The following SAGE1 variants were observed in gnomAD, a reference collection of about 807,000 sequenced individuals.
SAGE1 encodes the protein sarcoma antigen 1.
Under a neutral mutation model 55.4 loss-of-function variants are expected in SAGE1, and 55 were observed. The ratio of observed to expected loss-of-function variants is 0.99; its 90% CI spans 0.80 to 1.24. The LOEUF is 1.24. Ranked by LOEUF, SAGE1 falls within the 50% of genes most tolerant of loss-of-function variation. SAGE1 has a pLI of 0.00. For synonymous variants in SAGE1, 240 were observed against 244.3 expected, an observed-to-expected ratio of 0.98 and a Z score of 0.17; for missense variants, 710 against 704.4, an observed-to-expected ratio of 1.01 and a Z score of -0.09.
intron 3 of SAGE1, 145 bp downstream of exon 3, chrX:135,901,836 G>A (rs1301742022): frequency 1.9e-5 from 11 of 565,346 alleles, no homozygotes; most frequent in Non-Finnish European, 2.8e-5. Flanking sequence ...TGTTGCAAGC[G>A]TTAGATGAAT....
intron 9 of SAGE1, 65 bp downstream of exon 9, chrX:135,907,518 G>A (rs2088817958): frequency 1.9e-6 from 2 of 1,068,813 alleles, no homozygotes; most frequent in Non-Finnish European, 2.6e-6. Flanking sequence ...TGTCATAAAG[G>A]GAAGGAGGTT....
chrX:135,910,201 C>T (rs2088871257), intron 15 of SAGE1, 31 bp downstream of exon 15: 4 of 1,180,332 alleles, frequency 3.4e-6, no homozygotes, highest in African/African-American at 1.7e-5. Flanking sequence ...TACTGTCATA[C>T]TTGGTTTCCA....
intron 11 of SAGE1, 88 bp from the exon 12 acceptor site, chrX:135,908,389 C>G: frequency 1.8e-6 from 2 of 1,082,629 alleles, no homozygotes; most frequent in Non-Finnish European, 2.5e-6. Context: ...TGATAAATTC[C>G]TAGAAACTGA....
intron 3 of SAGE1, among the ~76,000 whole-genome samples, chrX:135,904,043 C>T (rs782232140): frequency 8.9e-6 from 1 of 111,813 alleles, no homozygotes; most frequent in African/African-American, 3.3e-5. Context: ...GGACAAAACA[C>T]ACCTATCTTG....
intron 2 of SAGE1, among the ~76,000 whole-genome samples, chrX:135,898,210 G>C (rs782625288): frequency 9.1e-6 from 1 of 110,110 alleles, no homozygotes; most frequent in Non-Finnish European, 1.9e-5. Flanking sequence ...TAGTAGAGAC[G>C]GGGTTTCACC....
At chrX:135,894,848 A>G (rs2088559404) in intron 1 of SAGE1, among the ~76,000 whole-genome samples, 1 of 111,392 alleles carries the variant, frequency 9.0e-6, no homozygotes, top group Admixed American at 9.6e-5. Flanking sequence ...TGCTGAAACC[A>G]AACAAGTGTT....
rs782813478 is a variant in SAGE1, at chrX:135,908,726, A to C, written c.1441+109A>C. ...AATTATCTTTCCTGGCCTCAATTTG[A>C]GGGGCCTCAGATCATCATATGATGT... On this transcript the variant is annotated intron_variant, in intron 12 of 19. Coordinates refer to ENST00000370709, the MANE Select transcript of SAGE1 (RefSeq NM_001381902.1). The C allele has an allele frequency of 5.7e-5, 58 of 1,025,901 alleles. No homozygotes were observed. The African/African-American group carries it at 1.1e-3, about 19-fold the overall frequency. 84.5% of individuals were successfully genotyped at this position (1,025,901 alleles called of 1,213,427 possible). A position where few individuals can be genotyped will look rare whatever the true frequency, so the allele number is the denominator to read the frequency against.
intron 10 of SAGE1, 116 bp from the exon 11 acceptor site, chrX:135,907,973 T>C: frequency 1.9e-6 from 2 of 1,052,661 alleles, no homozygotes; most frequent in Non-Finnish European, 1.3e-6. Flanking sequence ...TGCTCCCTGG[T>C]ATATCCTAGT....
chrX:135,910,159 C>T lies in SAGE1; in HGVS notation c.1853C>T (p.Thr618Ile). 3 of 1,205,946 alleles carry T rather than the reference C, an allele frequency of 2.5e-6. No homozygotes were observed. The highest frequency in any genetic ancestry group is 3.4e-6 in the Non-Finnish European group (3 of 890,833). Reference protein sequence around the residue: ...MAATGVSSMSTRDQYAAVTHN... With the variant: ...MAATGVSSMSIRDQYAAVTHN... The stretch of plus-strand genomic sequence containing the variant: ...GCAACTGGTGTTTCATCCATGAGTA[C>T]CAGGGATCAGTGTAAGTTTATTCAC... The change falls in exon 15 of 20, where the codon ACC becomes ATC. Residue 618 changes from threonine to isoleucine, a missense_variant. Thr to Ile is a moderately conservative substitution (Grantham distance 89). Transcript: ENST00000370709.
intron 1 of SAGE1, among the ~76,000 whole-genome samples, 99 bp downstream of exon 1, chrX:135,893,880 C>T (rs1171931664): frequency 2.7e-5 from 3 of 111,526 alleles, no homozygotes; most frequent in Non-Finnish European, 3.8e-5. Flanking sequence ...AGTGTTCCTC[C>T]GTTATTTTTT....
In SAGE1 at chrX:135,911,728, G is replaced by A. The variant is rs146408420; in HGVS notation, c.2296G>A (p.Asp766Asn). ...PPNALDSFSHDFTSLSKDELL... is the reference protein window; with the variant it reads ...PPNALDSFSHNFTSLSKDELL... ...CAATGCATTGGATTCTTTCTCTCACGACTTCACAAGTCTCAGCAAAGATGA... is the reference window on the plus strand; with the variant it reads ...CAATGCATTGGATTCTTTCTCTCACAACTTCACAAGTCTCAGCAAAGATGA... The change falls in exon 18 of 20, where the codon GAC becomes AAC. Residue 766 changes from aspartate to asparagine, a missense_variant. Transcript: ENST00000370709. The A allele has an allele frequency of 9.9e-6, 12 of 1,209,142 alleles. No individual in the cohort carries two copies. Among genetic ancestry groups the A allele is most frequent in the South Asian group, 5.3e-5 (3 of 56,811 alleles).
At position 135,906,036 on chromosome X, in the gene SAGE1, C is replaced by G. The variant is rs374833451; in HGVS notation, c.467C>G (p.Thr156Ser). ...MSTRDLHSTV[T>S]HNIREERMEN... ...ATTTGGTTTCCAGATTCTACCGTCA[C>G]TCACAATATCCGTGAAGAGAGAATG... The change falls in exon 6 of 20, where the codon ACT becomes AGT. Residue 156 changes from threonine (T) to serine (S), a missense_variant. By Grantham distance (58) the Thr-to-Ser change is moderately conservative (BLOSUM62 1). Transcript: ENST00000370709. 1 of 1,204,321 alleles carries G rather than the reference C, an allele frequency of 8.3e-7. No homozygotes were observed. Among genetic ancestry groups the G allele is most frequent in the African/African-American group, 1.8e-5 (1 of 56,796 alleles).
At chrX:135,912,266 G>T in intron 18 of SAGE1, 55 bp from the exon 19 acceptor site, 1 of 1,168,051 alleles carries the variant, frequency 8.6e-7, no homozygotes, top group South Asian at 2.0e-5. Flanking sequence ...CACTAAGATT[G>T]AGGTATATTT....
chrX:135,903,957 T>C (rs1187701328), intron 3 of SAGE1, among the ~76,000 whole-genome samples: 2 of 112,227 alleles, frequency 1.8e-5, no homozygotes, highest in Admixed American at 9.4e-5. Context: ...TTCCACGTGG[T>C]AAATCCTTCT....
At position 135,911,689 on chromosome X, in the gene SAGE1, C is replaced by T. The variant is rs2088901191; in HGVS notation, c.2257C>T (p.His753Tyr). ...ACCAGAGCTGATAAATATGACAGGACATTGTATGCCACCCAATGCATTGGA... is the reference window on the plus strand; with the variant it reads ...ACCAGAGCTGATAAATATGACAGGATATTGTATGCCACCCAATGCATTGGA... ...DSPELINMTG[H>Y]CMPPNALDSF... is the part of the protein sequence containing the mutation. Residue 753 changes from histidine to tyrosine, a missense_variant, in exon 18 of 20, where the codon CAT (histidine) becomes TAT (tyrosine). Transcript: ENST00000370709. 1.7e-6 allele frequency: 2 copies of T among 1,206,489 alleles called. No individual in the cohort carries two copies. The highest frequency in any genetic ancestry group is 1.1e-6 in the Non-Finnish European group (1 of 890,716).
intron 15 of SAGE1, 24 bp from the exon 16 acceptor site, chrX:135,910,391 C>T (rs201135791): frequency 1.1e-5 from 13 of 1,204,572 alleles, no homozygotes; most frequent in Non-Finnish European, 1.0e-5. Context: ...TTACCTCACG[C>T]CCAACCTCTT....
At position 135,911,581 on chromosome X, in the gene SAGE1, G is replaced by C. The variant is rs782440600; in HGVS notation, c.2149G>C (p.Ala717Pro). ...CAATTTTTTCATTTGGATTCCAGAT[G>C]CTACTGTCATTCACGATATCCAGGA... is the stretch of plus-strand genomic sequence containing the variant. Reference protein sequence around the residue: ...ISCRSTRDLYATVIHDIQEEE... With the variant: ...ISCRSTRDLYPTVIHDIQEEE... The change falls in exon 18 of 20, where the codon GCT (alanine) becomes CCT (proline). Residue 717 changes from alanine to proline, a missense_variant and splice_region_variant. By Grantham distance (27) the Ala-to-Pro change is conservative (BLOSUM62 -1). Transcript: ENST00000370709. 1 of 1,185,512 alleles carries C rather than the reference G, an allele frequency of 8.4e-7. No homozygotes were observed. The highest frequency in any genetic ancestry group is 1.8e-5 in the African/African-American group (1 of 56,659).
At chrX:135,907,661 A>G (rs1569521471) in intron 9 of SAGE1, 40 bp from the exon 10 acceptor site, 15 of 1,193,989 alleles carry the variant, frequency 1.3e-5, no homozygotes, top group Non-Finnish European at 1.6e-5. Context: ...CTGACATAAT[A>G]CACTTAGCTC....
chrX:135,894,381 T>C (rs1419602327), intron 1 of SAGE1, among the ~76,000 whole-genome samples: 19 of 113,069 alleles, frequency 1.7e-4, no homozygotes, highest in African/African-American at 6.1e-4. Flanking sequence ...CTGTTTCTTC[T>C]TGAGTCGGTA....
Sources: gnomAD v4.1 joint callset for allele counts (sites outside exome capture counted in the v4.1 genomes callset) on GRCh38, gnomAD v4.1.1 for gene constraint, MANE v1.5 for transcripts, NCBI Gene and HGNC (gene_info 2026-07-23, HGNC 2026-07-21) for gene names.